Variants in KCNQ3 observed in about 807,000 individuals in gnomAD.
The protein encoded by KCNQ3 is potassium voltage-gated channel subfamily Q member 3.
A neutral mutation model predicts 92.5 loss-of-function variants in KCNQ3; 30 were observed. That is an observed-to-expected ratio of 0.32 (90% CI 0.24 to 0.44). The LOEUF (loss-of-function observed/expected upper bound fraction) is 0.44. Ranked by LOEUF, KCNQ3 falls within the 20% of genes least tolerant of loss-of-function variation. KCNQ3 has a pLI of 1.00. For synonymous variants in KCNQ3, 450 were observed against 468.8 expected, an observed-to-expected ratio of 0.96 and a Z score of 0.52; for missense variants, 913 against 1,140.3, an observed-to-expected ratio of 0.80 and a Z score of 2.87.
chr8:132,386,413 AG>A (rs568053455), intron 1 of KCNQ3, among the ~76,000 whole-genome samples: 21 of 152,320 alleles, frequency 1.4e-4, no homozygotes, highest in African/African-American at 5.0e-4. Context: ...ATATAATCAC[AG>A]ATATATATCA....
intron 1 of KCNQ3, among the ~76,000 whole-genome samples, chr8:132,225,081 A>C (rs764564385): frequency 3.9e-5 from 6 of 152,228 alleles, no homozygotes; most frequent in African/African-American, 9.6e-5. Flanking sequence ...CCCTGTTTGC[A>C]AATCAGGAAA....
intron 1 of KCNQ3, among the ~76,000 whole-genome samples, chr8:132,263,978 T>C (rs1178033500): frequency 6.6e-6 from 1 of 152,190 alleles, no homozygotes; most frequent in African/African-American, 2.4e-5. Context: ...TACTAGGTGT[T>C]AAGCACAAAG....
intron 1 of KCNQ3, among the ~76,000 whole-genome samples, chr8:132,206,360 G>A (rs984962466): frequency 1.3e-5 from 2 of 152,080 alleles, no homozygotes; most frequent in African/African-American, 4.8e-5. Flanking sequence ...CAGACACCTT[G>A]GTCCTATGCA....
At chr8:132,388,858 T>C (rs1819972003) in intron 1 of KCNQ3, among the ~76,000 whole-genome samples, 1 of 152,238 alleles carries the variant, frequency 6.6e-6, no homozygotes, top group Admixed American at 6.5e-5. Context: ...TGAATCGTGA[T>C]TTTAATCATC....
intron 1 of KCNQ3, among the ~76,000 whole-genome samples, chr8:132,392,401 CT>C (rs1820072225): frequency 2.0e-5 from 3 of 152,192 alleles, no homozygotes; most frequent in African/African-American, 7.2e-5. Context: ...CTTCCTAAAT[CT>C]TCCCCGGCCA....
intron 1 of KCNQ3, among the ~76,000 whole-genome samples, chr8:132,262,482 G>T (rs558334042): frequency 6.6e-6 from 1 of 152,276 alleles, no homozygotes; most frequent in South Asian, 2.1e-4. Context: ...AAGGTGTCAG[G>T]GAGGGCTTTA....
chr8:132,249,407 A>G (rs1314693305), intron 1 of KCNQ3, among the ~76,000 whole-genome samples: 1 of 152,234 alleles, frequency 6.6e-6, no homozygotes, highest in African/African-American at 2.4e-5. Context: ...CTAAGTCCCC[A>G]CTAGATTAGC....
chr8:132,160,685 A>C (rs1825958374), intron 9 of KCNQ3, among the ~76,000 whole-genome samples: 1 of 149,338 alleles, frequency 6.7e-6, no homozygotes, highest in Admixed American at 6.6e-5. Context: ...GTCGCTTATG[A>C]GGGCTGTCTT....
chr8:132,373,510 C>T (rs778027754), intron 1 of KCNQ3, among the ~76,000 whole-genome samples: 2 of 152,106 alleles, frequency 1.3e-5, no homozygotes, highest in East Asian at 3.9e-4. Flanking sequence ...TAATTCTCAC[C>T]TACCTACATT....
At chr8:132,454,224 G>C (rs1323027247) in intron 1 of KCNQ3, among the ~76,000 whole-genome samples, 5 of 152,210 alleles carry the variant, frequency 3.3e-5, no homozygotes, top group African/African-American at 1.2e-4. Context: ...GAAAGCATGG[G>C]CCTGTCCTCG....
chr8:132,211,023 C>A (rs1342156605), intron 1 of KCNQ3, among the ~76,000 whole-genome samples: 1 of 152,192 alleles, frequency 6.6e-6, no homozygotes, highest in Non-Finnish European at 1.5e-5. Context: ...TCCCTCTGGG[C>A]CCCCACAGCA....
At chr8:132,211,821 C>T (rs1363146252) in intron 1 of KCNQ3, among the ~76,000 whole-genome samples, 1 of 151,780 alleles carries the variant, frequency 6.6e-6, no homozygotes, top group African/African-American at 2.4e-5. Flanking sequence ...GGCATGGTGG[C>T]GGACACCTGT....
chr8:132,396,531 A>G (rs2597355), intron 1 of KCNQ3, among the ~76,000 whole-genome samples: 127,646 of 151,700 alleles, frequency 0.84, 54,066 homozygotes, highest in Middle Eastern at 0.94. Flanking sequence ...TCTCAGATTT[A>G]TCCAGCCTTG....
intron 1 of KCNQ3, among the ~76,000 whole-genome samples, chr8:132,282,983 G>A (rs970691101): frequency 1.3e-5 from 2 of 152,096 alleles, no homozygotes; most frequent in Admixed American, 6.6e-5. Flanking sequence ...GAGAAGCCTG[G>A]GCAGAGAAAA....
chr8:132,129,662 G>C lies in KCNQ3; in HGVS notation c.2219C>G (p.Thr740Arg), dbSNP rs764065145. Residue 740 changes from threonine to arginine, a missense_variant, in exon 15 of 15, where the codon ACG (threonine) becomes AGG (arginine). By Grantham distance (71) the Thr-to-Arg change is moderately conservative. Transcript: ENST00000388996. This position sits in a 1 kb window ranked among gnomAD's most constrained non-coding sequence, Gnocchi z 5.9. ...CAGGACCGTGGGCCTCTCCACATAC[G>C]TTGTTGCTGAGGAAGGAGGAGTTGC... Reference protein sequence around the residue: ...VQATPPSSATTYVERPTVLPI... With the variant: ...VQATPPSSATRYVERPTVLPI... 2 of 1,614,170 alleles carry C rather than the reference G, an allele frequency of 1.2e-6. No individual in the cohort carries two copies. The highest frequency in any genetic ancestry group is 2.2e-5 in the South Asian group (2 of 91,076).
intron 1 of KCNQ3, among the ~76,000 whole-genome samples, chr8:132,259,354 A>G (rs562189101): frequency 7.2e-5 from 11 of 152,306 alleles, no homozygotes; most frequent in African/African-American, 2.6e-4. Context: ...TATGAAATCA[A>G]TCAATGGAAT....
At chr8:132,434,006 A>T (rs1821319812) in intron 1 of KCNQ3, among the ~76,000 whole-genome samples, 1 of 152,110 alleles carries the variant, frequency 6.6e-6, no homozygotes, top group African/African-American at 2.4e-5. Context: ...CAGGAGATCG[A>T]GACCATCCCG....
chr8:132,449,518 C>T (rs1821772541), intron 1 of KCNQ3, among the ~76,000 whole-genome samples: 1 of 152,086 alleles, frequency 6.6e-6, no homozygotes, highest in Non-Finnish European at 1.5e-5. Flanking sequence ...GGTCCTCCAG[C>T]TCAGCCACTC....
chr8:132,195,999 G>T (rs1827289189), intron 1 of KCNQ3, among the ~76,000 whole-genome samples: 1 of 152,156 alleles, frequency 6.6e-6, no homozygotes, highest in South Asian at 2.1e-4. Flanking sequence ...TACCTAATAT[G>T]CACCTAATAG....
Sources: gnomAD v4.1 joint callset for allele counts (sites outside exome capture counted in the v4.1 genomes callset) on GRCh38, gnomAD v4.1.1 for gene constraint, Gnocchi (gnomAD v3.1) non-coding constraint, MANE v1.5 for transcripts, NCBI Gene and HGNC (gene_info 2026-07-23, HGNC 2026-07-21) for gene names.